Variants in THSD7B observed in about 807,000 individuals in gnomAD.
The protein encoded by THSD7B is thrombospondin type-1 domain-containing protein 7B.
A neutral mutation model predicts 213.6 loss-of-function variants in THSD7B; 138 were observed. The observed-to-expected ratio is 0.65, with a 90% confidence interval of 0.56 to 0.74. THSD7B has a LOEUF of 0.74. Among genes scored for constraint, THSD7B ranks in the 30% least tolerant of loss-of-function variants. THSD7B has a pLI of 0.00. For synonymous variants in THSD7B, 742 were observed against 687.0 expected, an observed-to-expected ratio of 1.08 and a Z score of -1.25; for missense variants, 1,931 against 1,991.5, an observed-to-expected ratio of 0.97 and a Z score of 0.58.
chr2:137,383,324 T>C (rs568775576), intron 12 of THSD7B, among the ~76,000 whole-genome samples: 71 of 143,244 alleles, frequency 5.0e-4, no homozygotes, highest in Admixed American at 4.1e-3. Context: ...CCTGGAGTTA[T>C]TTGCTCCCTG....
At chr2:136,791,408 G>A (rs370698073) in intron 1 of THSD7B, among the ~76,000 whole-genome samples, 25 of 151,882 alleles carry the variant, frequency 1.6e-4, no homozygotes, top group Admixed American at 7.9e-4. Context: ...CATTTAAAAC[G>A]TACAATACAA....
intron 14 of THSD7B, among the ~76,000 whole-genome samples, chr2:137,446,272 A>G (rs1005113103): frequency 6.6e-6 from 1 of 152,092 alleles, no homozygotes; most frequent in Non-Finnish European, 1.5e-5. Flanking sequence ...GGAAAAATGC[A>G]CATAAGGTAA....
chr2:136,844,058 T>A (rs1201909465), intron 1 of THSD7B, among the ~76,000 whole-genome samples: 1 of 152,156 alleles, frequency 6.6e-6, no homozygotes, highest in Non-Finnish European at 1.5e-5. Context: ...TCCAACCCCC[T>A]TTAGGCAGAG....
At chr2:137,276,929 A>T (rs2104812440) in intron 12 of THSD7B, among the ~76,000 whole-genome samples, 1 of 152,226 alleles carries the variant, frequency 6.6e-6, no homozygotes, top group Non-Finnish European at 1.5e-5. Context: ...TTGATTTAAG[A>T]TTGCTATGGG....
chr2:137,327,801 A>T (rs1684405858), intron 12 of THSD7B, among the ~76,000 whole-genome samples: 1 of 152,246 alleles, frequency 6.6e-6, no homozygotes. Context: ...TTAGCACAAT[A>T]GCTAAACAGT....
At chr2:137,403,431 A>T (rs1367639067) in intron 12 of THSD7B, among the ~76,000 whole-genome samples, 2 of 152,240 alleles carry the variant, frequency 1.3e-5, no homozygotes, top group Non-Finnish European at 2.9e-5. Flanking sequence ...AGAATTTTAT[A>T]TAAAAAGTTT....
intron 7 of THSD7B, among the ~76,000 whole-genome samples, chr2:137,219,401 G>A (rs1402243461): frequency 6.6e-6 from 1 of 152,108 alleles, no homozygotes; most frequent in Non-Finnish European, 1.5e-5. Flanking sequence ...ATTCCAAAAT[G>A]TAGAGGATCC....
chr2:137,201,505 A>G (rs1680874622), intron 7 of THSD7B, among the ~76,000 whole-genome samples: 1 of 152,168 alleles, frequency 6.6e-6, no homozygotes, highest in Non-Finnish European at 1.5e-5. Context: ...GTTTTTCTAT[A>G]ATGCCTGTAT....
intron 5 of THSD7B, among the ~76,000 whole-genome samples, chr2:137,139,097 T>G (rs912041818): frequency 6.6e-6 from 1 of 152,182 alleles, no homozygotes; most frequent in African/African-American, 2.4e-5. Context: ...TTTATATTGG[T>G]TTTTCTCTTT....
rs528341909 is a variant in THSD7B at position 137,009,772 on chromosome 2, C to CGG, written c.140-46645_140-46644dup. Among the ~76,000 whole-genome samples, 71 of 152,156 alleles carry CGG rather than the reference C, an allele frequency of 4.7e-4. 1 individual carries two copies. The highest frequency in any genetic ancestry group is 1.2e-3 in the South Asian group (6 of 4,812). On this transcript the variant is annotated intron_variant, in intron 2 of 27. Coordinates refer to ENST00000409968, the MANE Select transcript of THSD7B (RefSeq NM_001316349.2). ...CCTCCCACAACATGTGGGAATTATC[C>CGG]GGGGCTACAATTCAAGATGAGATTT...
chr2:137,657,246 A>C (rs1683254610), intron 24 of THSD7B, 86 bp downstream of exon 24: 2 of 1,297,022 alleles, frequency 1.5e-6, no homozygotes, highest in African/African-American at 1.5e-5. Context: ...ACAAATTATA[A>C]ACAAGGGGTG....
intron 17 of THSD7B, among the ~76,000 whole-genome samples, chr2:137,576,663 A>T (rs536972135): frequency 6.6e-6 from 1 of 152,078 alleles, no homozygotes; most frequent in South Asian, 2.1e-4. Flanking sequence ...TGTGCAGGAG[A>T]TACTAGTGAA....
At chr2:137,326,806 C>T (rs536561625) in intron 12 of THSD7B, among the ~76,000 whole-genome samples, 1 of 152,256 alleles carries the variant, frequency 6.6e-6, no homozygotes, top group African/African-American at 2.4e-5. Context: ...TGAGTCCTTA[C>T]AAAGCAGCAA....
chr2:137,028,461 T>A (rs1434283776), intron 2 of THSD7B, among the ~76,000 whole-genome samples: 1 of 152,228 alleles, frequency 6.6e-6, no homozygotes, highest in Non-Finnish European at 1.5e-5. Context: ...TGCTCCAGAA[T>A]GTAGATATTA....
intron 3 of THSD7B, among the ~76,000 whole-genome samples, chr2:137,057,802 G>T (rs189771464): frequency 6.6e-6 from 1 of 152,112 alleles, no homozygotes; most frequent in Non-Finnish European, 1.5e-5. Flanking sequence ...ATTAACTTGC[G>T]CAAGCAGTAA....
rs1681672785 is a variant in THSD7B at position 137,232,906 on chromosome 2, G to A, written c.1923G>A (p.Lys641=). The part of the protein sequence containing the change: ...TILALAGEGG[K]PCPPSQALQE... ...TGTTCTTATTTTTGGCAGGTGGAAA[G>A]CCATGTCCCCCTAGTCAGGCTCTCC... The change falls in exon 9 of 28, where the codon AAG becomes AAA. Residue 641 remains lysine (K), a synonymous_variant. Transcript: ENST00000409968. The A allele has an allele frequency of 1.2e-6, 2 of 1,613,846 alleles. No homozygotes were observed. The highest frequency in any genetic ancestry group is 1.7e-6 in the Non-Finnish European group (2 of 1,179,792).
chr2:136,777,260 A>G (rs1237485847), intron 1 of THSD7B, among the ~76,000 whole-genome samples: 1 of 152,174 alleles, frequency 6.6e-6, no homozygotes, highest in African/African-American at 2.4e-5. Flanking sequence ...ATGTACTGTC[A>G]GAAGTTCATG....
At chr2:137,039,262 C>T (rs1686834053) in intron 2 of THSD7B, among the ~76,000 whole-genome samples, 2 of 152,118 alleles carry the variant, frequency 1.3e-5, no homozygotes, top group African/African-American at 4.8e-5. Context: ...GGTAATGTGG[C>T]TTCTCTGTAG....
At chr2:137,120,038 G>A (rs917402093) in intron 5 of THSD7B, among the ~76,000 whole-genome samples, 7 of 152,114 alleles carry the variant, frequency 4.6e-5, no homozygotes, top group African/African-American at 1.7e-4. Context: ...TTCCCTTGAT[G>A]TCAACCCTTA....
Sources: allele counts gnomAD v4.1 joint callset (sites outside exome capture counted in the v4.1 genomes callset), GRCh38; gene constraint gnomAD v4.1.1; transcripts MANE v1.5; gene names NCBI Gene and HGNC (gene_info 2026-07-23, HGNC 2026-07-21).